SLC8A1: variants seen among roughly 807,000 people sequenced by gnomAD.
The protein encoded by SLC8A1 is sodium/calcium exchanger 1.
A neutral mutation model predicts 68.3 loss-of-function variants in SLC8A1; 18 were observed. The observed-to-expected ratio is 0.26, with a 90% confidence interval of 0.18 to 0.39. The LOEUF (loss-of-function observed/expected upper bound fraction) is 0.39, where lower values mean the gene tolerates loss of function less well. Ranked by LOEUF, SLC8A1 falls within the 10% of genes least tolerant of loss-of-function variation. The pLI, the probability that SLC8A1 is intolerant of heterozygous loss-of-function variation, is 1.00. For synonymous variants in SLC8A1, 475 were observed against 415.5 expected (o/e 1.14, Z -1.74); for missense variants, 985 against 1,156.7 (o/e 0.85, Z 2.15).
chr2:40,366,737 C>A (rs1443069718), intron 2 of SLC8A1, among the ~76,000 whole-genome samples: 1 of 151,304 alleles, frequency 6.6e-6, no homozygotes, highest in African/African-American at 2.4e-5. Flanking sequence ...GAGATATGAT[C>A]TCCCTACAAT....
chr2:40,424,162 G>A (rs979835844), intron 2 of SLC8A1, among the ~76,000 whole-genome samples: 1 of 151,794 alleles, frequency 6.6e-6, no homozygotes, highest in African/African-American at 2.4e-5. Flanking sequence ...AGCCTTTCTT[G>A]TCTTGTGATA....
At chr2:40,401,991 A>G (rs758081456) in intron 2 of SLC8A1, among the ~76,000 whole-genome samples, 28 of 152,208 alleles carry the variant, frequency 1.8e-4, no homozygotes, top group Non-Finnish European at 3.4e-4. Flanking sequence ...TTTGAAGCAG[A>G]GCAACTCCAT....
intron 2 of SLC8A1, among the ~76,000 whole-genome samples, chr2:40,261,757 A>G (rs2064739635): frequency 6.6e-6 from 1 of 151,880 alleles, no homozygotes; most frequent in Non-Finnish European, 1.5e-5. Context: ...CAGTCGTTGC[A>G]CTGTGCTTTT....
At chr2:40,123,236 A>G (rs2037317419) in intron 7 of SLC8A1, 1 of 152,250 alleles carries the variant, frequency 6.6e-6, no homozygotes, top group African/African-American at 2.4e-5. Context: ...AATATCAAGA[A>G]GCTTCATCAT....
intron 1 of SLC8A1, among the ~76,000 whole-genome samples, chr2:40,472,803 G>A (rs1704068117): frequency 6.6e-6 from 1 of 152,170 alleles, no homozygotes; most frequent in African/African-American, 2.4e-5. Flanking sequence ...CGGATTACTA[G>A]ATTTGTGAGA....
intron 1 of SLC8A1, among the ~76,000 whole-genome samples, chr2:40,449,181 CAAA>C (rs5830628): frequency 1.4e-5 from 2 of 147,728 alleles, no homozygotes; most frequent in Non-Finnish European, 3.0e-5. Context: ...AAAACAACAA[CAAA>C]AAAAAACACA....
chr2:40,476,815 G>T (rs1214608390), intron 1 of SLC8A1, among the ~76,000 whole-genome samples: 4 of 152,164 alleles, frequency 2.6e-5, no homozygotes, highest in Non-Finnish European at 5.9e-5. Context: ...AGTGCAAAAA[G>T]CCATTGGCAG....
At chr2:40,264,728 T>G (rs1048881722) in intron 2 of SLC8A1, among the ~76,000 whole-genome samples, 1 of 152,126 alleles carries the variant, frequency 6.6e-6, no homozygotes, top group African/African-American at 2.4e-5. Flanking sequence ...AGGGATAGCA[T>G]TAGGAGATAT....
intron 2 of SLC8A1, among the ~76,000 whole-genome samples, chr2:40,297,474 G>A (rs1049711804): frequency 2.6e-5 from 4 of 152,090 alleles, no homozygotes; most frequent in African/African-American, 9.7e-5. Flanking sequence ...AAAGTGGGAC[G>A]ATGACCCATT....
chr2:40,351,507 T>C (rs1671073114), intron 2 of SLC8A1, among the ~76,000 whole-genome samples: 1 of 151,822 alleles, frequency 6.6e-6, no homozygotes, highest in African/African-American at 2.4e-5. Context: ...ATGCCGCCAG[T>C]ATTCTAATCT....
intron 7 of SLC8A1, chr2:40,118,549 C>T (rs1163356793): frequency 2.1e-5 from 3 of 141,254 alleles, no homozygotes; most frequent in Non-Finnish European, 4.5e-5. Context: ...GTTTCTTGTA[C>T]TTCATTATTA....
At chr2:40,112,273 A>C (rs973564809) in exon 8 of SLC8A1, 1 of 152,560 alleles carries the variant, frequency 6.6e-6, no homozygotes, top group Non-Finnish European at 1.5e-5. Context: ...ACAATTAGAA[A>C]CTTTATTTGT....
At chr2:40,427,951 A>G (rs1697309118) in intron 2 of SLC8A1, among the ~76,000 whole-genome samples, 1 of 152,182 alleles carries the variant, frequency 6.6e-6, no homozygotes, top group African/African-American at 2.4e-5. Flanking sequence ...ACATTAACTT[A>G]TATTGTCACA....
At chr2:40,436,985 C>T (rs1446223120) in intron 1 of SLC8A1, among the ~76,000 whole-genome samples, 5 of 152,144 alleles carry the variant, frequency 3.3e-5, no homozygotes. Flanking sequence ...TGAGCATCTA[C>T]TTGTCCCAGG....
chr2:40,405,138 G>C (rs1053120497), intron 2 of SLC8A1, among the ~76,000 whole-genome samples: 1 of 152,284 alleles, frequency 6.6e-6, no homozygotes, highest in Admixed American at 6.5e-5. Context: ...AAGGGGAAAA[G>C]TGTCAGGGGA....
At chr2:40,261,986 C>A (rs1215175636) in intron 2 of SLC8A1, among the ~76,000 whole-genome samples, 1 of 140,022 alleles carries the variant, frequency 7.1e-6, no homozygotes, top group Admixed American at 7.4e-5. Flanking sequence ...TTTTTTGAGA[C>A]AGAATCTCAC....
At chr2:40,414,948 G>A (rs888862457) in intron 2 of SLC8A1, among the ~76,000 whole-genome samples, 5 of 152,178 alleles carry the variant, frequency 3.3e-5, no homozygotes, top group Non-Finnish European at 7.3e-5. Flanking sequence ...TATTGGGAAA[G>A]AAGGCCACAG....
At chr2:40,266,741 T>C (rs2065404850) in intron 2 of SLC8A1, among the ~76,000 whole-genome samples, 1 of 152,200 alleles carries the variant, frequency 6.6e-6, no homozygotes, top group Non-Finnish European at 1.5e-5. Flanking sequence ...GCTAATGGTA[T>C]TGGTTAAACT....
At chr2:40,312,056 C>A (rs1170588881) in intron 2 of SLC8A1, among the ~76,000 whole-genome samples, 1 of 152,014 alleles carries the variant, frequency 6.6e-6, no homozygotes, top group African/African-American at 2.4e-5. Flanking sequence ...CCATCTTCTC[C>A]CTAGGCTAGA....
Sources: allele counts gnomAD v4.1 joint callset (sites outside exome capture counted in the v4.1 genomes callset), GRCh38; gene constraint gnomAD v4.1.1; transcripts MANE v1.5; gene names NCBI Gene and HGNC (gene_info 2026-07-23, HGNC 2026-07-21).